Variants in SYTL2 observed in about 807,000 individuals in gnomAD.
SYTL2 encodes synaptotagmin-like protein 2.
Under a neutral mutation model 198.7 loss-of-function variants are expected in SYTL2, and 165 were observed. The observed-to-expected ratio is 0.83, with a 90% CI of 0.73 to 0.94. The LOEUF is 0.94. Among genes scored for constraint, SYTL2 ranks in the 40% least tolerant of loss-of-function variants. SYTL2 has a pLI of 0.00. For synonymous variants in SYTL2, 966 were observed against 917.7 expected, an observed-to-expected ratio of 1.05 and a Z score of -0.95; for missense variants, 2,835 against 2,582.8, an observed-to-expected ratio of 1.10 and a Z score of -2.12.
intron 1 of SYTL2, among the ~76,000 whole-genome samples, chr11:85,776,906 T>C (rs2092461274): frequency 6.6e-6 from 1 of 152,100 alleles, no homozygotes; most frequent in Admixed American, 6.6e-5. Flanking sequence ...ATGGGGTGTA[T>C]TTAAGTGTCA....
At chr11:85,813,199 G>T (rs2093057149), upstream of SYTL2, among the ~76,000 whole-genome samples, 2 of 152,206 alleles carry the variant, frequency 1.3e-5, no homozygotes, top group South Asian at 2.1e-4. Context: ...ATCTTGTATG[G>T]CTCAGAGACT....
chr11:85,784,910 C>T (rs2092613256), intron 1 of SYTL2, among the ~76,000 whole-genome samples: 1 of 152,008 alleles, frequency 6.6e-6, no homozygotes, highest in Admixed American at 6.6e-5. Context: ...TTCTTTCATC[C>T]TCGGAATCAC....
chr11:85,708,068 C>G, intron 14 of SYTL2: 3 of 403,202 alleles, frequency 7.4e-6, no homozygotes, highest in Non-Finnish European at 1.4e-5. Context: ...GAGGCTGAGG[C>G]AGGAGAATCG....
chr11:85,745,276 A>T (rs2091073707), intron 4 of SYTL2, among the ~76,000 whole-genome samples: 1 of 151,434 alleles, frequency 6.6e-6, no homozygotes, highest in African/African-American at 2.4e-5. Flanking sequence ...ATCTGATCAT[A>T]GTTTATCTTT....
intron 1 of SYTL2, among the ~76,000 whole-genome samples, chr11:85,765,917 A>C (rs1195196439): frequency 2.6e-5 from 4 of 152,240 alleles, no homozygotes; most frequent in African/African-American, 9.6e-5. Flanking sequence ...AACCAAGCGC[A>C]AGATAATGGG....
At chr11:85,802,195 C>T (rs570018400) in intron 1 of SYTL2, among the ~76,000 whole-genome samples, 259 of 151,216 alleles carry the variant, frequency 1.7e-3, no homozygotes, top group Middle Eastern at 3.4e-3. Context: ...CTCCCCACCA[C>T]ACTCTCTTTT....
At chr11:85,730,263 T>C (rs1346456566) in intron 7 of SYTL2, among the ~76,000 whole-genome samples, 1 of 152,154 alleles carries the variant, frequency 6.6e-6, no homozygotes, top group Non-Finnish European at 1.5e-5. Context: ...ATCAACCTGA[T>C]ACCAAACCCT....
intron 2 of SYTL2, among the ~76,000 whole-genome samples, chr11:85,752,629 C>T (rs1223897483): frequency 6.6e-6 from 1 of 151,916 alleles, no homozygotes; most frequent in African/African-American, 2.4e-5. Flanking sequence ...CATGACACAT[C>T]GTAGATCTCT....
At chr11:85,714,542 T>A in intron 11 of SYTL2, 35 bp from the exon 12 acceptor site, 1 of 1,591,230 alleles carries the variant, frequency 6.3e-7, no homozygotes, top group Non-Finnish European at 8.6e-7. Context: ...AAATTATTCT[T>A]ACAATTGTCA....
chr11:85,722,720 T>G (rs2153458169), intron 8 of SYTL2, among the ~76,000 whole-genome samples: 1 of 151,884 alleles, frequency 6.6e-6, no homozygotes, highest in East Asian at 1.9e-4. Flanking sequence ...TTATTTACTT[T>G]AGAGATTAAA....
At chr11:85,704,331 T>C (rs1033403385) in intron 16 of SYTL2, among the ~76,000 whole-genome samples, 3 of 151,990 alleles carry the variant, frequency 2.0e-5, no homozygotes, top group African/African-American at 7.2e-5. Flanking sequence ...ATCAAGAAAA[T>C]ATAACAATTA....
rs980230838 is a variant in SYTL2, at chr11:85,724,692, C to T, written c.4666G>A (p.Ala1556Thr). 1 of 1,613,930 alleles carries T rather than the reference C, an allele frequency of 6.2e-7. No individual in the cohort carries two copies. Among genetic ancestry groups the T allele is most frequent in the African/African-American group, 1.3e-5 (1 of 74,900 alleles). The change falls in exon 8 of 20, where the codon GCT becomes ACT. Residue 1556 changes from alanine to threonine, a missense_variant. Physicochemically the swap from Ala to Thr is moderately conservative, Grantham distance 58. Around this residue, in one of 3 missense-constraint regions of SYTL2, gnomAD observed 2,645 missense variants for 2,381.7 expected, o/e 1.11. Transcript: ENST00000359152. ...ELKETVEKAE[A>T]PLITESAFDA... ...AAAGCACTCTCAGTTATTAACGGAGCCTCGGCCTTTTCTACTGTTTCTTTT... is the reference window on the plus strand; with the variant it reads ...AAAGCACTCTCAGTTATTAACGGAGTCTCGGCCTTTTCTACTGTTTCTTTT...
At chr11:85,834,807 G>T in the SYTL2 span, among the ~76,000 whole-genome samples, 1 of 151,110 alleles carries the variant, frequency 6.6e-6, no homozygotes, top group Admixed American at 6.6e-5. Context: ...TGTCACCCAG[G>T]TTGGAATGTA....
At chr11:85,833,002 A>G in the SYTL2 span, among the ~76,000 whole-genome samples, 309 of 91,694 alleles carry the variant, frequency 3.4e-3, 9 homozygotes, top group African/African-American at 5.7e-3. Context: ...TCTCAAAAAA[A>G]AAAGAAAGAA....
chr11:85,828,053 T>C, the SYTL2 span, among the ~76,000 whole-genome samples: 3,425 of 152,254 alleles, frequency 0.022, 134 homozygotes, highest in African/African-American at 0.077. Flanking sequence ...TAGCTAACTG[T>C]AGTGACTACG....
At chr11:85,761,567 G>T (rs546698860) in intron 1 of SYTL2, among the ~76,000 whole-genome samples, 1 of 152,304 alleles carries the variant, frequency 6.6e-6, no homozygotes, top group South Asian at 2.1e-4. Flanking sequence ...ATTAAAGAAA[G>T]CCAGACAAAA....
rs564626865 is a variant in SYTL2, at chr11:85,789,913, G to A, written c.-390+21041C>T. The stretch of plus-strand genomic sequence containing the variant: ...CTTCAAAACATATTAGGGTGAACCA[G>A]TATTAAATTGCCAATACCGGTTGAG... On this transcript the variant is annotated intron_variant, in intron 1 of 19. Transcript: ENST00000359152. 1.5e-4 allele frequency among the ~76,000 whole-genome samples: 23 copies of A among 152,220 alleles called. No individual in the cohort carries two copies. The South Asian group carries it at 4.8e-3, about 32-fold the overall frequency.
At chr11:85,714,232 A>T (rs2086788718) in intron 12 of SYTL2, among the ~76,000 whole-genome samples, 181 bp downstream of exon 12, 1 of 152,256 alleles carries the variant, frequency 6.6e-6, no homozygotes, top group South Asian at 2.1e-4. Flanking sequence ...TTTGAGTCAA[A>T]TGAGATGTGC....
At position 85,734,687 on chromosome 11, in the gene SYTL2, C is replaced by T. The variant is rs1444560013; in HGVS notation, c.642G>A (p.Lys214=). 1.2e-6 allele frequency: 2 copies of T among 1,614,108 alleles called. No individual in the cohort carries two copies. Among genetic ancestry groups the T allele is most frequent in the Middle Eastern group, 1.7e-4 (1 of 6,060 alleles). ...GCAAAGTCTGCTTTGATTTCTCTAA[C>T]TTTTGGATTGAAGTATCTGCGACAG... ...KSTVADTSIQ[K]LEKSKQTLPG... is the part of the protein sequence containing the mutation. The change falls in exon 7 of 20, where the codon AAG becomes AAA. Residue 214 remains lysine (K), a synonymous_variant. Transcript: ENST00000359152.
Sources: allele counts gnomAD v4.1 joint callset (sites outside exome capture counted in the v4.1 genomes callset), GRCh38; gene constraint gnomAD v4.1.1; regional missense constraint gnomAD v4.1.1; transcripts MANE v1.5; gene names NCBI Gene and HGNC (gene_info 2026-07-23, HGNC 2026-07-21).